GRK3: variants seen among roughly 807,000 people sequenced by gnomAD.
GRK3 encodes adrenergic, beta, receptor kinase 2.
In GRK3, 54 loss-of-function variants were observed where a neutral mutation model predicts 95.7. The observed-to-expected ratio is 0.56, with a 90% CI of 0.45 to 0.71. The LOEUF (loss-of-function observed/expected upper bound fraction) is 0.71. Ranked by LOEUF, GRK3 falls within the 30% of genes least tolerant of loss-of-function variation. The pLI is 0.00. For missense variants in GRK3, 649 were observed against 851.2 expected (o/e 0.76, Z 2.96); for synonymous variants, 281 against 290.8 (o/e 0.97, Z 0.34).
rs762014626 is a variant in GRK3 at position 25,722,351 on chromosome 22, G to A, written c.1968G>A (p.Arg656=). ...ELNETFKEAQ[R]LLRRAPKFLN... Reference sequence around the variant, plus strand: ...ACGAAACCTTCAAGGAGGCCCAGCGGCTATTGCGTCGTGCCCCGAAGTTCC... The same window carrying A: ...ACGAAACCTTCAAGGAGGCCCAGCGACTATTGCGTCGTGCCCCGAAGTTCC... Residue 656 remains arginine (R), a synonymous_variant, in exon 21 of 21, where the codon CGG becomes CGA. Coordinates refer to ENST00000324198, the MANE Select transcript of GRK3 (RefSeq NM_005160.4). 4.3e-6 allele frequency: 7 copies of A among 1,614,198 alleles called. No homozygotes were observed. The highest frequency in any genetic ancestry group is 5.1e-6 in the Non-Finnish European group (6 of 1,180,034).
intron 11 of GRK3, among the ~76,000 whole-genome samples, chr22:25,688,032 C>T (rs574217936): frequency 2.4e-4 from 36 of 152,234 alleles, no homozygotes; most frequent in Middle Eastern, 3.4e-3. Context: ...GTCAGGAGAT[C>T]AAGGCCATCC....
chr22:25,619,674 T>TTTTG (rs2084566765), intron 2 of GRK3, among the ~76,000 whole-genome samples: 1 of 146,834 alleles, frequency 6.8e-6, no homozygotes, highest in African/African-American at 2.6e-5. Flanking sequence ...TTTTTTTTTT[T>TTTTG]GTAGAGATAG....
At chr22:25,651,190 G>A (rs1043688913) in intron 3 of GRK3, among the ~76,000 whole-genome samples, 13 of 152,034 alleles carry the variant, frequency 8.6e-5, no homozygotes, top group African/African-American at 3.1e-4. Flanking sequence ...CAGCATTAGT[G>A]GTATAAGTGT....
chr22:25,676,942 A>G (rs1282201505), intron 8 of GRK3, among the ~76,000 whole-genome samples: 1 of 152,184 alleles, frequency 6.6e-6, no homozygotes, highest in Non-Finnish European at 1.5e-5. Flanking sequence ...GTGAACCACA[A>G]GGTGCACCCC....
chr22:25,710,005 C>A, intron 16 of GRK3, 41 bp downstream of exon 16: 1 of 1,359,962 alleles, frequency 7.4e-7, no homozygotes, highest in Non-Finnish European at 1.1e-6. Flanking sequence ...TACTGCCGCC[C>A]CGCCCTTACC....
intron 2 of GRK3, among the ~76,000 whole-genome samples, chr22:25,640,633 TAGG>T (rs2084736094): frequency 6.6e-6 from 1 of 152,212 alleles, no homozygotes; most frequent in African/African-American, 2.4e-5. Flanking sequence ...TTCTAATTTT[TAGG>T]AGATTTAATT....
intron 3 of GRK3, among the ~76,000 whole-genome samples, chr22:25,645,956 C>T (rs766292560): frequency 3.3e-5 from 5 of 151,770 alleles, no homozygotes; most frequent in Non-Finnish European, 5.9e-5. Flanking sequence ...AAGGCAAAAG[C>T]AGACAGGGTC....
rs544415454 is a variant in GRK3 at position 25,651,868 on chromosome 22, G to A, written c.264+7203G>A. 7.9e-5 allele frequency among the ~76,000 whole-genome samples: 12 copies of A among 152,110 alleles called. No individual in the cohort carries two copies. The East Asian group carries it at 1.7e-3, about 22-fold the overall frequency. ...TGAAGAGTTTTTCCAACAGCTTTTC[G>A]TCTTCAGTGTCTTAATGTGGAAGTT... is the stretch of plus-strand genomic sequence containing the variant. On this transcript the variant is annotated intron_variant, in intron 3 of 20. Transcript: ENST00000324198.
rs575065616 is a variant in GRK3 at position 25,725,810 on chromosome 22, G to A, written c.*3360G>A. The A allele has an allele frequency of 1.2e-4, 44 of 362,664 alleles. No individual in the cohort carries two copies. Among genetic ancestry groups the A allele is most frequent in the East Asian group, 6.7e-4 (17 of 25,260 alleles). The allele number at this position is 362,664 out of a possible 1,614,324, so 22.5% of individuals were successfully genotyped here. On this transcript the variant is annotated 3_prime_UTR_variant, in exon 21 of 21. Coordinates refer to ENST00000324198, the MANE Select transcript of GRK3 (RefSeq NM_005160.4). ...AAATACAAATAAAAATTAGCCGGGCGTGGTGGCGGGCGCCTGTAGTCCCAG... is the reference window on the plus strand; with the variant it reads ...AAATACAAATAAAAATTAGCCGGGCATGGTGGCGGGCGCCTGTAGTCCCAG...
chr22:25,699,694 CTTTTCTTT>C (rs1569201619), intron 13 of GRK3, among the ~76,000 whole-genome samples: 57 of 139,232 alleles, frequency 4.1e-4, no homozygotes, highest in African/African-American at 1.5e-3. Flanking sequence ...CTTTTCTTTT[CTTTTCTTT>C]TTTTTTTTTT....
intron 9 of GRK3, among the ~76,000 whole-genome samples, chr22:25,683,309 T>C (rs2085089022): frequency 6.6e-6 from 1 of 152,260 alleles, no homozygotes; most frequent in South Asian, 2.1e-4. Context: ...GCTTGTGCTA[T>C]TTTGAATGAT....
Position 25,687,768 on chromosome 22 carries a change from G to A in GRK3, c.957+101G>A, listed in dbSNP as rs949960184. 19 of 1,347,044 alleles carry A rather than the reference G, an allele frequency of 1.4e-5. No individual in the cohort carries two copies. The Middle Eastern group carries it at 5.6e-4, about 39-fold the overall frequency. The allele number at this position is 1,347,044 out of a possible 1,614,324, so 83.4% of individuals were successfully genotyped here. On this transcript the variant is annotated intron_variant, in intron 11 of 20. Transcript: ENST00000324198. ...ATAGAGTCCTGTCATTTTCCTCATA[G>A]CCCTCATCTCAGCCCTGATGAAGTC...
chr22:25,683,856 T>C (rs2085093487), intron 9 of GRK3, among the ~76,000 whole-genome samples: 1 of 152,244 alleles, frequency 6.6e-6, no homozygotes. Context: ...CTCTGATGAA[T>C]AGAAGTTCTT....
At position 25,722,249 on chromosome 22, in the gene GRK3, G is replaced by A. The variant is rs751743516; in HGVS notation, c.1906-40G>A. ...GCAGCCTCCGCTGTTGGCAAAATGG[G>A]TGAGCCTGTCACAACGGCTGCCTTT... is the stretch of plus-strand genomic sequence containing the variant. On this transcript the variant is annotated intron_variant, in intron 20 of 20. Coordinates refer to ENST00000324198, the MANE Select transcript of GRK3 (RefSeq NM_005160.4). The A allele has an allele frequency of 5.6e-6, 9 of 1,606,106 alleles. No homozygotes were observed. The South Asian group carries it at 7.7e-5, about 14-fold the overall frequency.
At chr22:25,614,896 T>C (rs1423170814) in intron 2 of GRK3, among the ~76,000 whole-genome samples, 1 of 152,168 alleles carries the variant, frequency 6.6e-6, no homozygotes, top group East Asian at 1.9e-4. Context: ...AAAAGGCACA[T>C]GGAGAAGACT....
At chr22:25,592,149 A>C (rs1275594172) in intron 1 of GRK3, among the ~76,000 whole-genome samples, 6 of 152,174 alleles carry the variant, frequency 3.9e-5, no homozygotes, top group Non-Finnish European at 8.8e-5. Flanking sequence ...CCCAACATTT[A>C]GTATGGTCTT....
intron 9 of GRK3, among the ~76,000 whole-genome samples, chr22:25,684,254 G>C (rs903520676): frequency 6.6e-6 from 1 of 152,166 alleles, no homozygotes; most frequent in South Asian, 2.1e-4. Context: ...CTGAATTACT[G>C]TTGCTTTCTA....
chr22:25,690,619 C>G (rs2085157754), intron 12 of GRK3, among the ~76,000 whole-genome samples: 1 of 152,040 alleles, frequency 6.6e-6, no homozygotes, highest in African/African-American at 2.4e-5. Context: ...GTAATAAACC[C>G]CTCAAAGTTG....
At chr22:25,639,676 G>A (rs2084728739) in intron 2 of GRK3, among the ~76,000 whole-genome samples, 2 of 151,910 alleles carry the variant, frequency 1.3e-5, no homozygotes, top group Admixed American at 6.6e-5. Context: ...ATATATTTTC[G>A]AATCAGCTTG....
Sources: allele counts gnomAD v4.1 joint callset (sites outside exome capture counted in the v4.1 genomes callset), GRCh38; gene constraint gnomAD v4.1.1; transcripts MANE v1.5; gene names NCBI Gene and HGNC (gene_info 2026-07-23, HGNC 2026-07-21).